The following NRXN2 variants were observed in gnomAD, a reference collection of about 807,000 sequenced individuals.
The protein encoded by NRXN2 is neurexin-2-beta.
A neutral mutation model predicts 128.8 loss-of-function variants in NRXN2; 29 were observed. That is an observed-to-expected ratio of 0.23 (90% CI 0.17 to 0.31). NRXN2 has a LOEUF of 0.31. NRXN2 is among the 10% of genes least tolerant of loss of function. The probability of loss-of-function intolerance (pLI) is 1.00; values close to 1 mark genes in which losing one functional copy is unlikely to be tolerated. For missense variants in NRXN2, 1,881 were observed against 2,452.6 expected (o/e 0.77, Z 4.92); for synonymous variants, 1,098 against 1,075.2 (o/e 1.02, Z -0.41).
intron 17 of NRXN2, among the ~76,000 whole-genome samples, chr11:64,636,153 G>A (rs1243141686): frequency 6.6e-6 from 1 of 151,768 alleles, no homozygotes; most frequent in Non-Finnish European, 1.5e-5. Context: ...GAGGAGGAAG[G>A]AGGCAGAGAG....
intron 19 of NRXN2, among the ~76,000 whole-genome samples, chr11:64,628,992 G>C (rs569757602): frequency 2.0e-5 from 3 of 152,028 alleles, no homozygotes. Flanking sequence ...TATGTATTAG[G>C]GGGCCACGCA....
intron 9 of NRXN2, among the ~76,000 whole-genome samples, chr11:64,664,974 A>G (rs2049595287): frequency 8.8e-6 from 1 of 113,116 alleles, no homozygotes; most frequent in Admixed American, 9.6e-5. Flanking sequence ...TGGGCGACAG[A>G]GAGAGACTTC....
In NRXN2 at chr11:64,635,419, G is replaced by A; in HGVS notation, c.3437C>T (p.Ala1146Val). ...GTTYIFGKGG[A>V]LITYTWPPND... ...GGGGGGCCACGTGTAGGTGATGAGC[G>A]CTCCCCCCTTCCCAAAGATGTATGT... Residue 1146 changes from alanine to valine, a missense_variant, in exon 18 of 23, where the codon GCG (alanine) becomes GTG (valine). Ala to Val is a moderately conservative substitution (Grantham distance 64, BLOSUM62 0). This residue lies in a region of NRXN2 where 390 missense variants were observed against 599.6 expected (regional missense o/e 0.65). Coordinates refer to ENST00000265459, the MANE Select transcript of NRXN2 (RefSeq NM_015080.4). This position sits in a 1 kb window ranked among gnomAD's most constrained non-coding sequence, Gnocchi z 4.8. 1.9e-6 allele frequency: 3 copies of A among 1,613,820 alleles called. No homozygotes were observed. Among genetic ancestry groups the A allele is most frequent in the Non-Finnish European group, 2.5e-6 (3 of 1,180,008 alleles).
chr11:64,676,870 A>G (rs1188088825), intron 7 of NRXN2, 123 bp downstream of exon 7: 1 of 775,840 alleles, frequency 1.3e-6, no homozygotes, highest in African/African-American at 1.7e-5. Context: ...AGGACGCAAA[A>G]AACAATTGGA....
chr11:64,713,447 C>G lies in NRXN2; in HGVS notation c.253G>C (p.Gly85Arg). The change falls in exon 2 of 23, where the codon GGC becomes CGC. Residue 85 changes from glycine to arginine, a missense_variant. Gly to Arg is a moderately radical substitution (Grantham distance 125). This residue lies in a region of NRXN2 where 997 missense variants were observed against 1,240.8 expected (regional missense o/e 0.80). Coordinates refer to ENST00000265459, the MANE Select transcript of NRXN2 (RefSeq NM_015080.4). ...CDFLELLLVD[G>R]RLRLRFTLSC... is the part of the protein sequence containing the mutation. ...AGCGTGAAGCGCAGCCGCAGGCGGC[C>G]GTCCACCAGCAGCAGCTCCAGGAAG... 2 of 1,520,912 alleles carry G rather than the reference C, an allele frequency of 1.3e-6. No individual in the cohort carries two copies. Among genetic ancestry groups the G allele is most frequent in the African/African-American group, 1.4e-5 (1 of 70,496 alleles). 94.2% of individuals were successfully genotyped at this position (1,520,912 alleles called of 1,614,324 possible). A position where few individuals can be genotyped will look rare whatever the true frequency, so the allele number is the denominator to read the frequency against.
In NRXN2 at chr11:64,630,600, G is replaced by A. The variant is rs752294648; in HGVS notation, c.3586-27C>T. The A allele has an allele frequency of 1.2e-6, 2 of 1,612,896 alleles. No individual in the cohort carries two copies. Among genetic ancestry groups the A allele is most frequent in the Admixed American group, 1.7e-5 (1 of 59,994 alleles). ...TGGGGACATGGAGGTGGAGGTCAGCGACCAGAGGGAGCAACCATTCATCCC... is the reference window on the plus strand; with the variant it reads ...TGGGGACATGGAGGTGGAGGTCAGCAACCAGAGGGAGCAACCATTCATCCC... On this transcript the variant is annotated intron_variant, in intron 18 of 22. Transcript: ENST00000265459. This position sits in a 1 kb window ranked among gnomAD's most constrained non-coding sequence, Gnocchi z 4.6.
rs753953361 is a variant in NRXN2 at position 64,651,380 on chromosome 11, G to A, written c.2793C>T (p.Leu931=). ...TFKSRSSYLA[L]ATLQAYASMH... ...TGGAAGCATAGGCTTGGAGCGTGGC[G>A]AGTGCCAGGTAGCTGCTGCGACTCT... Residue 931 remains leucine, a synonymous_variant, in exon 14 of 23, where the codon CTC becomes CTT. Transcript: ENST00000265459. This position sits in a 1 kb window ranked among gnomAD's most constrained non-coding sequence, Gnocchi z 5.9. 2.5e-5 allele frequency: 41 copies of A among 1,614,066 alleles called. 1 individual carries two copies. In the South Asian group the frequency reaches 3.4e-4, roughly 13 times the overall value.
chr11:64,638,601 AG>A (rs1311232504), intron 17 of NRXN2, among the ~76,000 whole-genome samples: 3 of 152,236 alleles, frequency 2.0e-5, no homozygotes, highest in Non-Finnish European at 4.4e-5. Flanking sequence ...CACCACATCT[AG>A]AACCTGACAG....
intron 4 of NRXN2, among the ~76,000 whole-genome samples, chr11:64,692,492 A>G (rs2053930820): frequency 6.6e-6 from 1 of 152,106 alleles, no homozygotes; most frequent in Non-Finnish European, 1.5e-5. Flanking sequence ...CATGAGAAAG[A>G]AAAAAAAGCA....
Position 64,661,037 on chromosome 11 carries a change from C to A in NRXN2, c.1901G>T (p.Gly634Val), listed in dbSNP as rs768732796. The A allele has an allele frequency of 8.7e-6, 14 of 1,613,536 alleles. No homozygotes were observed. In the South Asian group the frequency reaches 1.4e-4, roughly 16 times the overall value. Residue 634 changes from glycine (G) to valine (V), a missense_variant, in exon 10 of 23, where the codon GGG (glycine) becomes GTG (valine). Around this residue, in one of 7 missense-constraint regions of NRXN2, gnomAD observed 997 missense variants for 1,240.8 expected, o/e 0.80. Transcript: ENST00000265459. ...GGGCAGGGGCAGGTCCACCCGGCCC[C>A]CCTCAGGGAGACCGCCCAGGTACAG... is the stretch of plus-strand genomic sequence containing the variant. Reference protein sequence around the residue: ...SELYLGGLPEGGRVDLPLPPE... With the variant: ...SELYLGGLPEVGRVDLPLPPE...
At chr11:64,661,583 GT>G (rs550752104) in intron 9 of NRXN2, among the ~76,000 whole-genome samples, 41 of 152,284 alleles carry the variant, frequency 2.7e-4, no homozygotes, top group African/African-American at 9.4e-4. Context: ...ATCCAAAGGA[GT>G]TTTTTCCCCC....
intron 7 of NRXN2, among the ~76,000 whole-genome samples, chr11:64,673,982 G>A (rs1178153089): frequency 1.3e-5 from 2 of 149,864 alleles, no homozygotes; most frequent in African/African-American, 2.5e-5. Context: ...AGGTTGCAGT[G>A]AGCCGAGATC....
chr11:64,667,732 C>G lies in NRXN2; in HGVS notation c.1360-44G>C. ...TCAGGGATAAAGAATCCGAAAGCAG[C>G]TTAGGGCCTGGCCACTCCCACCCAG... On this transcript the variant is annotated intron_variant, in intron 8 of 22. Transcript: ENST00000265459. The surrounding 1 kb of genome is among the most constrained non-coding windows in gnomAD (Gnocchi z 5.6). 1 of 1,598,982 alleles carries G rather than the reference C, an allele frequency of 6.3e-7. No individual in the cohort carries two copies. The highest frequency in any genetic ancestry group is 1.1e-5 in the South Asian group (1 of 90,536).
At chr11:64,620,237 C>A in intron 22 of NRXN2, 57 bp downstream of exon 22, 1 of 1,401,500 alleles carries the variant, frequency 7.1e-7, no homozygotes, top group Non-Finnish European at 9.9e-7. Flanking sequence ...ACAGTCGCCC[C>A]CCTCCCAGCA....
intron 2 of NRXN2, among the ~76,000 whole-genome samples, chr11:64,701,068 G>A (rs1221617879): frequency 2.0e-5 from 3 of 152,130 alleles, no homozygotes; most frequent in Admixed American, 2.0e-4. Context: ...AGGCCCTGGT[G>A]AGGCCAGGCC....
rs566650898 is a variant in NRXN2 at position 64,676,873 on chromosome 11, C to A, written c.1197+120G>T. 3 of 780,542 alleles carry A rather than the reference C, an allele frequency of 3.8e-6. No homozygotes were observed. In the East Asian group the frequency reaches 7.9e-5, roughly 21 times the overall value. 48.4% of individuals were successfully genotyped at this position (780,542 alleles called of 1,614,324 possible). On this transcript the variant is annotated intron_variant, in intron 7 of 22. Coordinates refer to ENST00000265459, the MANE Select transcript of NRXN2 (RefSeq NM_015080.4). ...TAAAGATTGTCCAGGACGCAAAAAACAATTGGAAGAGCAAAACAACCAAAA... is the reference window on the plus strand; with the variant it reads ...TAAAGATTGTCCAGGACGCAAAAAAAAATTGGAAGAGCAAAACAACCAAAA...
At chr11:64,707,047 G>A (rs1326097111) in intron 2 of NRXN2, among the ~76,000 whole-genome samples, 2 of 151,092 alleles carry the variant, frequency 1.3e-5, no homozygotes, top group Non-Finnish European at 2.9e-5. Context: ...CACCTCCTGG[G>A]TTCAAGTGCC....
chr11:64,719,570 G>C (rs1297777816), intron 1 of NRXN2, among the ~76,000 whole-genome samples: 10 of 152,190 alleles, frequency 6.6e-5, no homozygotes, highest in Admixed American at 5.9e-4. Context: ...GGGGTGCACA[G>C]GATGAGGCTG....
intron 2 of NRXN2, among the ~76,000 whole-genome samples, chr11:64,698,307 G>A (rs565850968): frequency 3.2e-4 from 49 of 152,256 alleles, no homozygotes; most frequent in Middle Eastern, 3.4e-3. Context: ...GACACACACT[G>A]TCTCACACAA....
Sources: gnomAD v4.1 joint callset for allele counts (sites outside exome capture counted in the v4.1 genomes callset) on GRCh38, gnomAD v4.1.1 for gene constraint, gnomAD v4.1.1 regional missense constraint, Gnocchi (gnomAD v3.1) non-coding constraint, MANE v1.5 for transcripts, NCBI Gene and HGNC (gene_info 2026-07-23, HGNC 2026-07-21) for gene names.